The following SYTL4 variants were observed in gnomAD, a reference collection of about 807,000 sequenced individuals.
The protein encoded by SYTL4 is synaptotagmin like 4, also known as synaptotagmin-like protein 4.
A neutral mutation model predicts 52.7 loss-of-function variants in SYTL4; 16 were observed. That is an observed-to-expected ratio of 0.30 (90% CI 0.21 to 0.46). The LOEUF (loss-of-function observed/expected upper bound fraction) is 0.46. Among genes scored for constraint, SYTL4 ranks in the 20% least tolerant of loss-of-function variants. The pLI, the probability that SYTL4 is intolerant of heterozygous loss-of-function variation, is 1.00. For synonymous variants in SYTL4, 160 were observed against 186.6 expected (o/e 0.86, Z 1.16); for missense variants, 423 against 519.9 (o/e 0.81, Z 1.81).
Position 100,686,015 on chromosome X carries a change from T to A in SYTL4, c.1424A>T (p.Asp475Val). Residue 475 changes from aspartate to valine, a missense_variant, in exon 16 of 20, where the codon GAT becomes GTT. Asp to Val is a radical substitution (Grantham distance 152, BLOSUM62 -3). Transcript: ENST00000372989. ...CTTTCCATGTAAAGGGAGGCAATGA[T>A]CCAGTTTCTTATCAAGCTTCCAGGA... ...MDSWKLDKKL[D>V]HCLPLHGKIS... 8.3e-7 allele frequency: 1 copy of A among 1,202,686 alleles called. No homozygotes were observed. The highest frequency in any genetic ancestry group is 3.0e-5 in the East Asian group (1 of 33,599).
chrX:100,700,829 T>C, intron 8 of SYTL4, 68 bp downstream of exon 8: 1 of 848,029 alleles, frequency 1.2e-6, no homozygotes. Context: ...ACAGAAGAAG[T>C]AAAAAGAATA....
intron 2 of SYTL4, among the ~76,000 whole-genome samples, chrX:100,729,958 A>G (rs2084606311): frequency 9.0e-6 from 1 of 111,032 alleles, no homozygotes; most frequent in African/African-American, 3.3e-5. Context: ...TTTTCTTCCT[A>G]TCCTTGTCTA....
At chrX:100,717,470 T>C (rs2084251449) in intron 2 of SYTL4, among the ~76,000 whole-genome samples, 1 of 112,968 alleles carries the variant, frequency 8.9e-6, no homozygotes, top group African/African-American at 3.2e-5. Context: ...CATGGAGGCA[T>C]AAAGCAACGT....
intron 2 of SYTL4, among the ~76,000 whole-genome samples, chrX:100,723,294 A>AT (rs1359165723): frequency 1.8e-5 from 2 of 111,183 alleles, no homozygotes; most frequent in East Asian, 5.7e-4. Flanking sequence ...TGGTTTTCGT[A>AT]TTTTTTTGGT....
intron 12 of SYTL4, 32 bp from the exon 13 acceptor site, chrX:100,688,475 A>G (rs773424662): frequency 1.4e-5 from 16 of 1,126,914 alleles, no homozygotes; most frequent in African/African-American, 7.2e-5. Context: ...CAGAGTTAAT[A>G]AAAGAAAGAC....
chrX:100,701,844 G>T lies in SYTL4; in HGVS notation c.110+84C>A, dbSNP rs1054350080. 6.9e-6 allele frequency: 6 copies of T among 870,297 alleles called. No homozygotes were observed. The African/African-American group carries it at 1.2e-4, about 18-fold the overall frequency. The allele number at this position is 870,297 out of a possible 1,213,427, so 71.7% of individuals were successfully genotyped here. On this transcript the variant is annotated intron_variant, in intron 5 of 19. Transcript: ENST00000372989. ...AAACATCACATATACAAATTCCTAT[G>T]AAAGTCAGGTGGGAGACATAAGGAA...
intron 2 of SYTL4, among the ~76,000 whole-genome samples, chrX:100,714,471 G>A (rs1459355944): frequency 9.0e-6 from 1 of 111,190 alleles, no homozygotes; most frequent in Non-Finnish European, 1.9e-5. Context: ...GTGTTAGCCA[G>A]GATGGTCTCG....
chrX:100,705,532 T>C (rs988212674), intron 2 of SYTL4, among the ~76,000 whole-genome samples: 3 of 111,169 alleles, frequency 2.7e-5, no homozygotes, highest in Non-Finnish European at 5.7e-5. Flanking sequence ...GCTGAAACAC[T>C]GCGCAAAAAA....
chrX:100,716,206 T>G (rs1034551157), intron 2 of SYTL4, among the ~76,000 whole-genome samples: 1 of 107,486 alleles, frequency 9.3e-6, no homozygotes, highest in African/African-American at 3.4e-5. Flanking sequence ...TCTCAGCACT[T>G]TGGGAGGCCG....
At chrX:100,683,511 G>T (rs1195629088) in intron 16 of SYTL4, among the ~76,000 whole-genome samples, 3 of 111,213 alleles carry the variant, frequency 2.7e-5, no homozygotes, top group Non-Finnish European at 3.8e-5. Flanking sequence ...CCATAAGTTT[G>T]GATCAACATA....
chrX:100,713,887 A>G (rs1308518994), intron 2 of SYTL4, among the ~76,000 whole-genome samples: 3 of 111,120 alleles, frequency 2.7e-5, no homozygotes, highest in Non-Finnish European at 5.6e-5. Flanking sequence ...TTTCATTTAT[A>G]TAAAATTCTA....
chrX:100,699,769 C>T (rs2147758835), intron 8 of SYTL4, among the ~76,000 whole-genome samples: 1 of 107,540 alleles, frequency 9.3e-6, no homozygotes, highest in African/African-American at 3.4e-5. Flanking sequence ...GCTGGGATTA[C>T]AGGCGTGAGC....
intron 2 of SYTL4, among the ~76,000 whole-genome samples, chrX:100,712,457 C>A (rs1236947224): frequency 9.0e-6 from 1 of 111,318 alleles, no homozygotes; most frequent in Non-Finnish European, 1.9e-5. Flanking sequence ...TGGAAATAAG[C>A]CCTCATGTTT....
Position 100,686,202 on chromosome X carries a change from A to G in SYTL4, c.1288-51T>C, listed in dbSNP as rs748961785. 3.6e-6 allele frequency: 4 copies of G among 1,116,556 alleles called. No homozygotes were observed. In the South Asian group the frequency reaches 8.9e-5, roughly 25 times the overall value. The allele number at this position is 1,116,556 out of a possible 1,213,427, so 92.0% of individuals were successfully genotyped here. On this transcript the variant is annotated intron_variant, in intron 15 of 19. Coordinates refer to ENST00000372989, the MANE Select transcript of SYTL4 (RefSeq NM_001370165.1). The stretch of plus-strand genomic sequence containing the variant: ...GATGATTAGTTAAGGGTAATTCTTC[A>G]GACAAGATTATTCCAAAACCTGAGC...
intron 2 of SYTL4, among the ~76,000 whole-genome samples, chrX:100,729,932 G>C (rs1168769029): frequency 9.0e-6 from 1 of 111,056 alleles, no homozygotes; most frequent in African/African-American, 3.3e-5. Flanking sequence ...TCCCAGAGAT[G>C]GGAATAGGGA....
chrX:100,687,220 A>G lies in SYTL4; in HGVS notation c.1031T>C (p.Ile344Thr), dbSNP rs1421871786. 1 of 1,209,486 alleles carries G rather than the reference A, an allele frequency of 8.3e-7. No individual in the cohort carries two copies. Among genetic ancestry groups the G allele is most frequent in the East Asian group, 3.0e-5 (1 of 33,753 alleles). ...CCCGAAATCACCAGCTTCACTGTAG[A>G]TGCTCATCATGCTGCCGATCGTACT... is the stretch of plus-strand genomic sequence containing the variant. ...SMSTIGSMMS[I>T]YSEAGDFGNI... The change falls in exon 14 of 20, where the codon ATC becomes ACC. Residue 344 changes from isoleucine to threonine, a missense_variant. Transcript: ENST00000372989.
At chrX:100,694,492 C>T (rs148462777) in intron 8 of SYTL4, among the ~76,000 whole-genome samples, 2 of 111,928 alleles carry the variant, frequency 1.8e-5, no homozygotes, top group African/African-American at 3.2e-5. Context: ...TTTGCTCAAA[C>T]GTTACCCTGT....
At position 100,723,452 on chromosome X, in the gene SYTL4, C is replaced by T. The variant is rs372942843; in HGVS notation, c.-240+7966G>A. 1.3e-3 allele frequency among the ~76,000 whole-genome samples: 146 copies of T among 111,741 alleles called. 1 individual carries two copies. The highest frequency in any genetic ancestry group is 4.5e-3 in the African/African-American group (140 of 30,812). On this transcript the variant is annotated intron_variant, in intron 2 of 19. Transcript: ENST00000372989. ...TAGTGCCCAGGCTGGAGTGCAGTAGCGTGATCTCGGCTCACTACAACCTCC... is the reference window on the plus strand; with the variant it reads ...TAGTGCCCAGGCTGGAGTGCAGTAGTGTGATCTCGGCTCACTACAACCTCC...
intron 8 of SYTL4, among the ~76,000 whole-genome samples, chrX:100,696,216 A>T (rs897683529): frequency 8.9e-6 from 1 of 112,148 alleles, no homozygotes; most frequent in Non-Finnish European, 1.9e-5. Flanking sequence ...GAATGAAATG[A>T]CTTAATCACA....
Sources: allele counts gnomAD v4.1 joint callset (sites outside exome capture counted in the v4.1 genomes callset), GRCh38; gene constraint gnomAD v4.1.1; transcripts MANE v1.5; gene names NCBI Gene and HGNC (gene_info 2026-07-23, HGNC 2026-07-21).